The following GAB1 variants were observed in gnomAD, a reference collection of about 807,000 sequenced individuals.
The protein encoded by GAB1 is GRB2-associated-binding protein 1.
GAB1 carries 19 observed loss-of-function variants against 66.5 expected under a neutral mutation model. The ratio of observed to expected loss-of-function variants is 0.29; its 90% CI spans 0.20 to 0.42. GAB1 has a LOEUF of 0.42. Among genes scored for constraint, GAB1 ranks in the 10% least tolerant of loss-of-function variants. The pLI is 1.00. For synonymous variants in GAB1, 294 were observed against 301.4 expected (o/e 0.98, Z 0.25); for missense variants, 732 against 858.5 (o/e 0.85, Z 1.84).
chr4:143,449,815 G>A (rs1452663108), intron 6 of GAB1, among the ~76,000 whole-genome samples: 2 of 151,466 alleles, frequency 1.3e-5, no homozygotes, highest in East Asian at 2.0e-4. Flanking sequence ...TGTTATGTGT[G>A]AAAATGATCC....
At chr4:143,430,448 C>T (rs1733595509) in intron 2 of GAB1, among the ~76,000 whole-genome samples, 1 of 152,102 alleles carries the variant, frequency 6.6e-6, no homozygotes, top group Non-Finnish European at 1.5e-5. Context: ...ATCCCATGTA[C>T]CTAAACATGT....
intron 2 of GAB1, chr4:143,424,783 T>A: frequency 3.6e-6 from 1 of 278,876 alleles, no homozygotes; most frequent in Non-Finnish European, 6.9e-6. Context: ...GGTGAAACCC[T>A]GTCTCTACTA....
chr4:143,349,601 C>T (rs1479459536), intron 1 of GAB1: 2 of 1,487,958 alleles, frequency 1.3e-6, no homozygotes, highest in Non-Finnish European at 1.8e-6. Flanking sequence ...CCGCAGCGGC[C>T]TGTCACCTTG....
At position 143,378,397 on chromosome 4, in the gene GAB1, A is replaced by G. The variant is rs117865449; in HGVS notation, c.73-37080A>G. ...TGTGTGAAGGTGATTTGCAAACTGT[A>G]AAGTCCTATGCAAATATACAATATA... On this transcript the variant is annotated intron_variant, in intron 1 of 9. Coordinates refer to ENST00000262994, the MANE Select transcript of GAB1 (RefSeq NM_002039.4). Among the ~76,000 whole-genome samples, 58 of 152,334 alleles carry G rather than the reference A, an allele frequency of 3.8e-4. No homozygotes were observed. In the East Asian group the frequency reaches 8.9e-3, roughly 23 times the overall value.
intron 2 of GAB1, among the ~76,000 whole-genome samples, chr4:143,420,450 A>G (rs1732952042): frequency 6.6e-6 from 1 of 152,104 alleles, no homozygotes; most frequent in Non-Finnish European, 1.5e-5. Flanking sequence ...GCCCCAGGTG[A>G]CCACTGCTAT....
At chr4:143,392,722 G>T (rs1381933850) in intron 1 of GAB1, among the ~76,000 whole-genome samples, 1 of 152,050 alleles carries the variant, frequency 6.6e-6, no homozygotes, top group African/African-American at 2.4e-5. Flanking sequence ...ATGCAACAAC[G>T]AATTTGTATT....
Position 143,337,275 on chromosome 4 carries a change from G to C in GAB1, c.72+15G>C, listed in dbSNP as rs1488644295. The C allele has an allele frequency of 1.3e-5, 21 of 1,566,950 alleles. No individual in the cohort carries two copies. Among genetic ancestry groups the C allele is most frequent in the Non-Finnish European group, 1.6e-5 (19 of 1,154,540 alleles). On this transcript the variant is annotated intron_variant, in intron 1 of 9. Transcript: ENST00000262994. ...TGAAGCGTTATGTAAGTAGAGCTGC[G>C]GGCACCACTCCGCGGGCCTCGGCGT...
intron 1 of GAB1, among the ~76,000 whole-genome samples, chr4:143,394,317 A>C (rs962981794): frequency 6.6e-6 from 1 of 152,078 alleles, no homozygotes; most frequent in East Asian, 1.9e-4. Context: ...GAAGAGGAGA[A>C]AGATTCGGAT....
At chr4:143,349,456 C>T (rs903537143) in intron 1 of GAB1, 11 of 1,436,316 alleles carry the variant, frequency 7.7e-6, no homozygotes, top group African/African-American at 5.6e-5. Context: ...GGCGAAGTTG[C>T]CCAGGGTGGC....
intron 1 of GAB1, among the ~76,000 whole-genome samples, chr4:143,404,626 G>A (rs1022558867): frequency 1.3e-5 from 2 of 152,066 alleles, no homozygotes; most frequent in Admixed American, 6.6e-5. Context: ...TGGCATGCAC[G>A]TGTGGTCCCA....
chr4:143,350,320 G>A (rs985726860), intron 1 of GAB1, among the ~76,000 whole-genome samples: 45 of 152,154 alleles, frequency 3.0e-4, no homozygotes, highest in Non-Finnish European at 1.5e-5. Context: ...ACGGTGAGGA[G>A]TTACTCAGTT....
intron 1 of GAB1, among the ~76,000 whole-genome samples, chr4:143,400,652 GT>G (rs1462066521): frequency 6.6e-6 from 1 of 152,070 alleles, no homozygotes; most frequent in Non-Finnish European, 1.5e-5. Flanking sequence ...CCAACCTGGG[GT>G]TACAGAATCT....
chr4:143,450,571 A>T (rs1009413460), intron 6 of GAB1, among the ~76,000 whole-genome samples: 2 of 152,164 alleles, frequency 1.3e-5, no homozygotes, highest in African/African-American at 4.8e-5. Flanking sequence ...CTTAGAATTT[A>T]GTTCTTCCCT....
chr4:143,394,640 A>G (rs1230682039), intron 1 of GAB1, among the ~76,000 whole-genome samples: 1 of 152,084 alleles, frequency 6.6e-6, no homozygotes, highest in East Asian at 1.9e-4. Flanking sequence ...ATCATCAAAC[A>G]TTTTTTGGGT....
chr4:143,434,285 A>C, intron 3 of GAB1: 2 of 335,656 alleles, frequency 6.0e-6, no homozygotes, highest in Non-Finnish European at 1.1e-5. Context: ...TGATCAAATA[A>C]ATATATTCCT....
chr4:143,450,890 C>CAA (rs66519270), intron 6 of GAB1, among the ~76,000 whole-genome samples: 1 of 138,724 alleles, frequency 7.2e-6, no homozygotes. Flanking sequence ...GACTGCATCT[C>CAA]AAAAAAAAAA....
At chr4:143,421,698 C>CTTTTTTTTTTTT (rs70953733) in intron 2 of GAB1, among the ~76,000 whole-genome samples, 29 of 118,682 alleles carry the variant, frequency 2.4e-4, no homozygotes, top group African/African-American at 4.2e-4. Flanking sequence ...CTTTTCTTTT[C>CTTTTTTTTTTTT]TTTTTTTTTT....
chr4:143,379,741 A>C (rs779711349), intron 1 of GAB1, among the ~76,000 whole-genome samples: 5 of 151,852 alleles, frequency 3.3e-5, no homozygotes, highest in Non-Finnish European at 7.4e-5. Flanking sequence ...TGCACACCAC[A>C]GTGCCCGGCT....
intron 1 of GAB1, among the ~76,000 whole-genome samples, chr4:143,361,385 A>G (rs879104015): frequency 2.6e-5 from 4 of 152,072 alleles, no homozygotes; most frequent in Admixed American, 2.6e-4. Flanking sequence ...GGGAGATCTC[A>G]CTGTTTTGTT....
Sources: gnomAD v4.1 joint callset for allele counts (sites outside exome capture counted in the v4.1 genomes callset) on GRCh38, gnomAD v4.1.1 for gene constraint, MANE v1.5 for transcripts, NCBI Gene and HGNC (gene_info 2026-07-23, HGNC 2026-07-21) for gene names.